ZNF679: variants seen among roughly 807,000 people sequenced by gnomAD.
ZNF679 encodes the protein hypothetical protein MGC42415.
ZNF679 carries 10 observed loss-of-function variants against 13.4 expected under a neutral mutation model. That is an observed-to-expected ratio of 0.75 (90% CI 0.46 to 1.27). The LOEUF is 1.27. Among genes scored for constraint, ZNF679 ranks in the 50% most tolerant of loss-of-function variants. The pLI, the probability that ZNF679 is intolerant of heterozygous loss-of-function variation, is 0.00. For synonymous variants in ZNF679, 179 were observed against 162.5 expected (o/e 1.10, Z -0.77); for missense variants, 525 against 477.8 (o/e 1.10, Z -0.92).
chr7:64,256,620 TTC>T (rs771210262), intron 2 of ZNF679, among the ~76,000 whole-genome samples: 2 of 152,124 alleles, frequency 1.3e-5, no homozygotes, highest in Non-Finnish European at 2.9e-5. Flanking sequence ...TTTGAATTAT[TTC>T]TTTTTTCTTC....
At chr7:64,260,993 G>A in intron 4 of ZNF679, 64 bp downstream of exon 4, 1 of 1,487,638 alleles carries the variant, frequency 6.7e-7, no homozygotes. Context: ...GAGGAAGCCA[G>A]TCCTTAAAAT....
At chr7:64,261,073 T>C (rs1364090083) in intron 4 of ZNF679, 144 bp downstream of exon 4, 4 of 813,976 alleles carry the variant, frequency 4.9e-6, no homozygotes, top group African/African-American at 1.8e-5. Flanking sequence ...TTTCTTTTGC[T>C]CTCAGATAGG....
chr7:64,243,014 G>A (rs1584228493), intron 1 of ZNF679, among the ~76,000 whole-genome samples: 1 of 152,168 alleles, frequency 6.6e-6, no homozygotes, highest in South Asian at 2.1e-4. Context: ...GTCAATGTGT[G>A]AGGGAGACAG....
At chr7:64,249,383 A>G (rs997757594) in intron 2 of ZNF679, among the ~76,000 whole-genome samples, 1 of 152,080 alleles carries the variant, frequency 6.6e-6, no homozygotes, top group Non-Finnish European at 1.5e-5. Context: ...TTTGCCCTGG[A>G]CTGGAGCCCT....
chr7:64,251,745 T>A (rs1182334580), intron 2 of ZNF679, among the ~76,000 whole-genome samples: 2 of 151,840 alleles, frequency 1.3e-5, no homozygotes, highest in Non-Finnish European at 2.9e-5. Context: ...TCTGCTGGAG[T>A]GTCTAGTGAA....
intron 1 of ZNF679, among the ~76,000 whole-genome samples, chr7:64,239,134 A>G (rs1787762173): frequency 6.6e-6 from 1 of 152,172 alleles, no homozygotes; most frequent in African/African-American, 2.4e-5. Context: ...CCATGTGTAC[A>G]CAGCTCATGA....
chr7:64,231,228 G>A (rs1787634767), intron 1 of ZNF679, among the ~76,000 whole-genome samples: 1 of 152,180 alleles, frequency 6.6e-6, no homozygotes, highest in African/African-American at 2.4e-5. Context: ...TATTGTCTTG[G>A]TCCAGGTAAG....
intron 4 of ZNF679, among the ~76,000 whole-genome samples, chr7:64,263,133 C>T (rs972533410): frequency 1.3e-5 from 2 of 152,000 alleles, no homozygotes; most frequent in Non-Finnish European, 2.9e-5. Flanking sequence ...ACTCTGTTGC[C>T]CAGACTCTAG....
intron 1 of ZNF679, 124 bp from the exon 2 acceptor site, chr7:64,248,904 G>T: frequency 1.5e-6 from 1 of 688,292 alleles, no homozygotes; most frequent in Non-Finnish European, 2.4e-6. Context: ...GGGCGTGAAG[G>T]GTGGGTCCTG....
At chr7:64,230,422 A>G (rs938782470) in intron 1 of ZNF679, among the ~76,000 whole-genome samples, 3 of 151,826 alleles carry the variant, frequency 2.0e-5, no homozygotes, top group Non-Finnish European at 4.4e-5. Flanking sequence ...AGTCCCAGCT[A>G]CTGGGGAGGC....
At chr7:64,239,684 G>T (rs11769591) in intron 1 of ZNF679, among the ~76,000 whole-genome samples, 32,303 of 152,080 alleles carry the variant, frequency 0.21, 4,216 homozygotes, top group Non-Finnish European at 0.27. Context: ...ATATCACCAA[G>T]CCTAGCACTT....
At chr7:64,258,716 A>AT (rs1562846725) in intron 2 of ZNF679, among the ~76,000 whole-genome samples, 1 of 150,700 alleles carries the variant, frequency 6.6e-6, no homozygotes. Flanking sequence ...AAAAAAAAAA[A>AT]TGCAGTGTCC....
intron 3 of ZNF679, 33 bp downstream of exon 3, chr7:64,260,380 T>C (rs1346940500): frequency 2.5e-6 from 4 of 1,572,314 alleles, no homozygotes; most frequent in South Asian, 1.2e-5. Flanking sequence ...ATTCCTAATA[T>C]ATTTCTTTTC....
In ZNF679 at chr7:64,265,827, A is replaced by G. The variant is rs1476648490; in HGVS notation, c.263-69A>G. 2.0e-6 allele frequency: 3 copies of G among 1,504,160 alleles called. No homozygotes were observed. In the African/African-American group the frequency reaches 4.2e-5, roughly 21 times the overall value. The allele number at this position is 1,504,160 out of a possible 1,614,324, so 93.2% of individuals were successfully genotyped here. A position where few individuals can be genotyped will look rare whatever the true frequency, so the allele number is the denominator to read the frequency against. On this transcript the variant is annotated intron_variant, in intron 4 of 4. Transcript: ENST00000421025. ...TAAAGTACCTTGTATAATTTTATAT[A>G]TTCGATTTGTAAAGTATATCTATCT...
chr7:64,245,866 T>C (rs1233147237), intron 1 of ZNF679, among the ~76,000 whole-genome samples: 5 of 151,806 alleles, frequency 3.3e-5, no homozygotes, highest in African/African-American at 1.2e-4. Context: ...ATTATCTGGG[T>C]GTGGTGGTGG....
At chr7:64,256,908 G>T (rs1447163942) in intron 2 of ZNF679, among the ~76,000 whole-genome samples, 1 of 152,056 alleles carries the variant, frequency 6.6e-6, no homozygotes, top group African/African-American at 2.4e-5. Context: ...ATGTTAGCCA[G>T]GCTGGTCTTG....
At chr7:64,229,088 G>T (rs1787601250) in intron 1 of ZNF679, among the ~76,000 whole-genome samples, 1 of 152,104 alleles carries the variant, frequency 6.6e-6, no homozygotes, top group Admixed American at 6.5e-5. Context: ...CCTAAGCCCA[G>T]GCAGAAGTTA....
chr7:64,254,999 C>CAAAAAA lies in ZNF679; in HGVS notation c.40-5209_40-5204dup, dbSNP rs71060569. On this transcript the variant is annotated intron_variant, in intron 2 of 4. Transcript: ENST00000421025. ...TGGGCAACAGAGTGAGACTCCATCT[C>CAAAAAA]AAAAAAAAAAAAAAAAAAGAAAAAA... Among the ~76,000 whole-genome samples the CAAAAAA allele has an allele frequency of 2.2e-4, 20 of 92,036 alleles. No individual in the cohort carries two copies. In the East Asian group the frequency reaches 3.6e-3, roughly 16 times the overall value. The allele number at this position is 92,036 out of a possible 152,430, so 60.4% of individuals were successfully genotyped here.
chr7:64,261,344 T>G (rs887180016), intron 4 of ZNF679, among the ~76,000 whole-genome samples: 8 of 152,188 alleles, frequency 5.3e-5, no homozygotes, highest in African/African-American at 1.9e-4. Flanking sequence ...TCCGTTTTTC[T>G]GCACATGCCA....
Sources: allele counts gnomAD v4.1 joint callset (sites outside exome capture counted in the v4.1 genomes callset), GRCh38; gene constraint gnomAD v4.1.1; transcripts MANE v1.5; gene names NCBI Gene and HGNC (gene_info 2026-07-23, HGNC 2026-07-21).